The following MMP26 variants were observed in gnomAD, a reference collection of about 807,000 sequenced individuals.
The protein encoded by MMP26 is matrix metallopeptidase 26, also known as matrix metalloproteinase-26.
MMP26 carries 33 observed loss-of-function variants against 31.0 expected under a neutral mutation model. The observed-to-expected ratio is 1.06, with a 90% CI of 0.81 to 1.42. The LOEUF (loss-of-function observed/expected upper bound fraction) is 1.42. Ranked by LOEUF, MMP26 falls within the 40% of genes most tolerant of loss-of-function variation. The pLI is 0.00. For synonymous variants in MMP26, 122 were observed against 114.9 expected, an observed-to-expected ratio of 1.06 and a Z score of -0.40; for missense variants, 347 against 316.1, an observed-to-expected ratio of 1.10 and a Z score of -0.74.
At chr11:4,844,611 T>C (rs1849841652) in intron 2 of MMP26, among the ~76,000 whole-genome samples, 1 of 152,116 alleles carries the variant, frequency 6.6e-6, no homozygotes, top group Admixed American at 6.5e-5. Context: ...GTTCAACATA[T>C]GAAAATCAAT....
intron 2 of MMP26, chr11:4,881,980 C>A: frequency 6.2e-7 from 1 of 1,613,900 alleles, no homozygotes; most frequent in Non-Finnish European, 8.5e-7. Context: ...GTGCTCATGT[C>A]TGGATCTCCA....
At chr11:4,941,883 A>C (rs1359446292) in intron 2 of MMP26, among the ~76,000 whole-genome samples, 3 of 151,568 alleles carry the variant, frequency 2.0e-5, no homozygotes, top group Admixed American at 1.3e-4. Context: ...CAGGAGATCG[A>C]GACCATCCTG....
chr11:4,794,719 G>A (rs75672508), intron 2 of MMP26, among the ~76,000 whole-genome samples: 2,314 of 152,200 alleles, frequency 0.015, 62 homozygotes, highest in African/African-American at 0.052. Context: ...CCTTTGGTTC[G>A]GGTGAGGGTA....
Position 4,829,999 on chromosome 11 carries a change from G to C in MMP26, c.-145+62658G>C, listed in dbSNP as rs374909946. 1.2e-4 allele frequency among the ~76,000 whole-genome samples: 18 copies of C among 152,296 alleles called. 1 individual carries two copies. The East Asian group carries it at 1.9e-3, about 16-fold the overall frequency. The stretch of plus-strand genomic sequence containing the variant: ...TGATTCAGAGCCTGCTCACTTAAGA[G>C]AGCTCATTATTAACAGACATTGATG... On this transcript the variant is annotated intron_variant, in intron 2 of 7. Transcript: ENST00000380390.
intron 2 of MMP26, among the ~76,000 whole-genome samples, chr11:4,872,723 A>C (rs1245530473): frequency 6.6e-6 from 1 of 151,892 alleles, no homozygotes; most frequent in African/African-American, 2.4e-5. Flanking sequence ...TATGGAAGTG[A>C]AGTTCAATAC....
At chr11:4,880,070 G>A (rs1373276847) in intron 2 of MMP26, among the ~76,000 whole-genome samples, 2 of 152,106 alleles carry the variant, frequency 1.3e-5, no homozygotes, top group East Asian at 3.9e-4. Context: ...TTGGGCCTGG[G>A]AGCAGGGTTT....
chr11:4,947,509 T>C, intron 2 of MMP26: 1 of 141,334 alleles, frequency 7.1e-6, no homozygotes, highest in Non-Finnish European at 1.5e-5. Flanking sequence ...AATAGTCAAA[T>C]GAAAGCTAAA....
intron 1 of MMP26, among the ~76,000 whole-genome samples, chr11:4,717,158 A>G (rs182460546): frequency 6.6e-6 from 1 of 152,238 alleles, no homozygotes; most frequent in East Asian, 1.9e-4. Context: ...CAACTTTCTA[A>G]TATAGATACC....
chr11:4,860,363 A>G (rs1325130708), intron 2 of MMP26: 1 of 471,144 alleles, frequency 2.1e-6, no homozygotes. Context: ...GTGAGAGCCA[A>G]GATAGAAAGG....
chr11:4,728,774 G>C (rs1319083340), intron 1 of MMP26, among the ~76,000 whole-genome samples: 1 of 151,900 alleles, frequency 6.6e-6, no homozygotes, highest in Non-Finnish European at 1.5e-5. Context: ...TCCTTTTAAA[G>C]TCTTTAAATT....
Position 4,812,122 on chromosome 11 carries a change from G to A in MMP26, c.-145+44781G>A, listed in dbSNP as rs537151008. On this transcript the variant is annotated intron_variant, in intron 2 of 7. Coordinates refer to ENST00000380390, the MANE Select transcript of MMP26 (RefSeq NM_021801.5). Reference sequence around the variant, plus strand: ...AGGGTTACAAAGGCAGGGCAGAAAGGATGTTTAGAAAGAAACTTTTGTTGG... The same window carrying A: ...AGGGTTACAAAGGCAGGGCAGAAAGAATGTTTAGAAAGAAACTTTTGTTGG... Among the ~76,000 whole-genome samples, 210 of 152,142 alleles carry A rather than the reference G, an allele frequency of 1.4e-3. 5 individuals are homozygous for A. Among genetic ancestry groups the A allele is most frequent in the Non-Finnish European group, 2.9e-4 (20 of 68,018 alleles).
chr11:4,830,540 G>C (rs1849632481), intron 2 of MMP26, among the ~76,000 whole-genome samples: 1 of 152,176 alleles, frequency 6.6e-6, no homozygotes, highest in African/African-American at 2.4e-5. Flanking sequence ...CTGGAAGCTT[G>C]TCAAGAAAGC....
chr11:4,963,784 T>C (rs1010973050), intron 2 of MMP26, among the ~76,000 whole-genome samples: 28 of 152,152 alleles, frequency 1.8e-4, no homozygotes, highest in African/African-American at 6.3e-4. Flanking sequence ...TCTGTTGGTT[T>C]TTAATTTTTT....
chr11:4,804,806 C>CCAAAA (rs369315261), intron 2 of MMP26, among the ~76,000 whole-genome samples: 19,590 of 144,636 alleles, frequency 0.14, 1,463 homozygotes, highest in Middle Eastern at 0.19. Flanking sequence ...CAAAACAAAA[C>CCAAAA]AAAAAAAAAC....
At chr11:4,794,780 G>A (rs763069920) in intron 2 of MMP26, 1 of 152,218 alleles carries the variant, frequency 6.6e-6, no homozygotes, top group Non-Finnish European at 1.5e-5. Context: ...GAGGCCTAGA[G>A]TATCCTGTTC....
chr11:4,905,813 T>A (rs1850878963), intron 2 of MMP26, among the ~76,000 whole-genome samples: 1 of 152,152 alleles, frequency 6.6e-6, no homozygotes, highest in Non-Finnish European at 1.5e-5. Context: ...GATGATAAGT[T>A]GCAAGATTGC....
chr11:4,983,165 T>C (rs1846838976), intron 2 of MMP26, among the ~76,000 whole-genome samples: 2 of 152,202 alleles, frequency 1.3e-5, no homozygotes, highest in Non-Finnish European at 2.9e-5. Context: ...AGAGAAAATA[T>C]ACACTTTCTA....
chr11:4,913,358 G>A (rs1851021416), intron 2 of MMP26: 1 of 152,132 alleles, frequency 6.6e-6, no homozygotes, highest in Non-Finnish European at 1.5e-5. Flanking sequence ...CATAGTAGAA[G>A]ACATTGTGTT....
intron 2 of MMP26, chr11:4,944,913 G>C (rs1394243255): frequency 6.6e-6 from 1 of 151,678 alleles, no homozygotes; most frequent in Non-Finnish European, 1.5e-5. Flanking sequence ...CAACAAACAT[G>C]GTCTTATTTT....
Sources: gnomAD v4.1 joint callset for allele counts (sites outside exome capture counted in the v4.1 genomes callset) on GRCh38, gnomAD v4.1.1 for gene constraint, MANE v1.5 for transcripts, NCBI Gene and HGNC (gene_info 2026-07-23, HGNC 2026-07-21) for gene names.